PPP1R9A: variants seen among roughly 807,000 people sequenced by gnomAD.
The protein encoded by PPP1R9A is neurabin-1.
A neutral mutation model predicts 141.9 loss-of-function variants in PPP1R9A; 59 were observed. The observed-to-expected ratio is 0.42, with a 90% CI of 0.34 to 0.52. The LOEUF (loss-of-function observed/expected upper bound fraction) is 0.52, where lower values mean the gene tolerates loss of function less well. Among genes scored for constraint, PPP1R9A ranks in the 20% least tolerant of loss-of-function variants. PPP1R9A has a pLI of 0.10. For missense variants in PPP1R9A, 1,444 were observed against 1,611.9 expected, an observed-to-expected ratio of 0.90 and a Z score of 1.78; for synonymous variants, 500 against 569.7, an observed-to-expected ratio of 0.88 and a Z score of 1.74.
In PPP1R9A at chr7:94,910,296, C is replaced by T. The variant is rs1791308154; in HGVS notation, c.183C>T (p.Ser61=). 1 of 1,613,848 alleles carries T rather than the reference C, an allele frequency of 6.2e-7. No individual in the cohort carries two copies. The highest frequency in any genetic ancestry group is 1.7e-5 in the Admixed American group (1 of 59,984). Residue 61 remains serine (S), a synonymous_variant, in exon 2 of 20, where the codon TCC becomes TCT. Transcript: ENST00000433360. This position sits in a 1 kb window ranked among gnomAD's most constrained non-coding sequence, Gnocchi z 4.5. The part of the protein sequence containing the change: ...SQQSRGRKYG[S]NVNRIKNLFM... The stretch of plus-strand genomic sequence containing the variant: ...AGAGCAGGGGGAGGAAATATGGCTC[C>T]AATGTCAACAGAATTAAAAACCTAT...
At chr7:94,985,699 C>T (rs1433326284) in intron 2 of PPP1R9A, among the ~76,000 whole-genome samples, 1 of 151,856 alleles carries the variant, frequency 6.6e-6, no homozygotes, top group Non-Finnish European at 1.5e-5. Context: ...TTCCTCCGTC[C>T]CTTTATTTTG....
At chr7:95,074,468 T>G (rs573214370) in intron 2 of PPP1R9A, among the ~76,000 whole-genome samples, 23 of 112,354 alleles carry the variant, frequency 2.0e-4, no homozygotes, top group South Asian at 9.2e-4. Context: ...TTTTTTTGTT[T>G]TTTTTTTTTT....
chr7:95,135,854 CTTTTTTT>C (rs58872136), intron 4 of PPP1R9A, among the ~76,000 whole-genome samples: 86 of 73,066 alleles, frequency 1.2e-3, no homozygotes, highest in Middle Eastern at 0.017. Flanking sequence ...TTCAGCTTTA[CTTTTTTT>C]TTTTTTTTTT....
intron 2 of PPP1R9A, among the ~76,000 whole-genome samples, chr7:95,103,042 G>A (rs1818998277): frequency 6.6e-6 from 1 of 152,074 alleles, no homozygotes; most frequent in African/African-American, 2.4e-5. Flanking sequence ...GAAGAAGACT[G>A]ACTTCCATCA....
intron 2 of PPP1R9A, among the ~76,000 whole-genome samples, chr7:94,961,171 G>A (rs1230668955): frequency 1.3e-5 from 2 of 150,900 alleles, no homozygotes; most frequent in African/African-American, 4.9e-5. Flanking sequence ...TGCTTTATAA[G>A]AAAACAAGAC....
At chr7:95,081,029 C>T (rs1319341796) in intron 2 of PPP1R9A, among the ~76,000 whole-genome samples, 1 of 152,078 alleles carries the variant, frequency 6.6e-6, no homozygotes, top group African/African-American at 2.4e-5. Context: ...AGAAAAAGCT[C>T]AAAGACAAAG....
intron 2 of PPP1R9A, among the ~76,000 whole-genome samples, chr7:95,085,307 G>A (rs1008500393): frequency 1.1e-4 from 16 of 151,370 alleles, no homozygotes; most frequent in Middle Eastern, 3.4e-3. Flanking sequence ...CCACTGTGTC[G>A]CCCAGGCTAA....
chr7:95,157,942 A>G (rs2152695221), intron 4 of PPP1R9A, among the ~76,000 whole-genome samples: 1 of 152,356 alleles, frequency 6.6e-6, no homozygotes, highest in South Asian at 2.1e-4. Context: ...AAACTCCAAC[A>G]AATATTTTCA....
intron 4 of PPP1R9A, among the ~76,000 whole-genome samples, chr7:95,158,207 T>TG (rs965335250): frequency 2.0e-5 from 3 of 152,088 alleles, no homozygotes; most frequent in Non-Finnish European, 4.4e-5. Flanking sequence ...TACTTAACTC[T>TG]GGGGGGGAAA....
chr7:95,067,482 A>G (rs1307257114), intron 2 of PPP1R9A, among the ~76,000 whole-genome samples: 1 of 152,234 alleles, frequency 6.6e-6, no homozygotes, highest in Non-Finnish European at 1.5e-5. Flanking sequence ...TAGTGAATGT[A>G]CACCAAAAAG....
Position 95,056,828 on chromosome 7 carries a change from A to G in PPP1R9A, c.1396-54431A>G, listed in dbSNP as rs182204395. Among the ~76,000 whole-genome samples, 9 of 152,262 alleles carry G rather than the reference A, an allele frequency of 5.9e-5. No individual in the cohort carries two copies. In the East Asian group the frequency reaches 1.3e-3, roughly 23 times the overall value. On this transcript the variant is annotated intron_variant, in intron 2 of 19. Transcript: ENST00000433360. ...GAAGCTCCTAAGAAAAAATGATTCA[A>G]TCTTAAAAAGGCCAAAATCTAAATG...
At chr7:95,193,461 A>AT (rs1311503134) in intron 5 of PPP1R9A, among the ~76,000 whole-genome samples, 2 of 152,004 alleles carry the variant, frequency 1.3e-5, no homozygotes, top group African/African-American at 4.8e-5. Context: ...CGAAGCTGTG[A>AT]TTTTGAGCAA....
intron 13 of PPP1R9A, 58 bp downstream of exon 13, chr7:95,268,765 A>G: frequency 6.4e-7 from 1 of 1,559,408 alleles, no homozygotes; most frequent in Non-Finnish European, 8.7e-7. Context: ...TTGTTCCTAC[A>G]GCTTATTGAA....
intron 2 of PPP1R9A, among the ~76,000 whole-genome samples, chr7:94,971,485 A>C (rs951181486): frequency 3.9e-5 from 6 of 152,234 alleles, no homozygotes; most frequent in Non-Finnish European, 8.8e-5. Flanking sequence ...CAAACTGATT[A>C]AGTGTAAAAT....
chr7:95,132,374 TC>T (rs1296616436), intron 4 of PPP1R9A, among the ~76,000 whole-genome samples: 37 of 152,362 alleles, frequency 2.4e-4, no homozygotes, highest in African/African-American at 7.2e-4. Flanking sequence ...GTGCCTAGTT[TC>T]TTGAGGTTTT....
At chr7:95,181,122 G>A (rs1021812791) in intron 5 of PPP1R9A, among the ~76,000 whole-genome samples, 1 of 149,252 alleles carries the variant, frequency 6.7e-6, no homozygotes, top group African/African-American at 2.5e-5. Context: ...TGGAGCCAAC[G>A]CAAATGCCCA....
At chr7:95,198,215 C>A in intron 5 of PPP1R9A, 134 bp from the exon 6 acceptor site, 1 of 738,186 alleles carries the variant, frequency 1.4e-6, no homozygotes, top group South Asian at 4.6e-5. Flanking sequence ...CCAAGAAAAC[C>A]ATTTTGAAGT....
chr7:95,146,877 T>C (rs1262569886), intron 4 of PPP1R9A, among the ~76,000 whole-genome samples: 4 of 152,156 alleles, frequency 2.6e-5, no homozygotes, highest in Admixed American at 2.0e-4. Flanking sequence ...GGTACCAGTA[T>C]CTTGCTGTTT....
chr7:95,020,034 ATATCAT>A (rs1805688711), intron 2 of PPP1R9A, among the ~76,000 whole-genome samples: 1 of 129,524 alleles, frequency 7.7e-6, no homozygotes, highest in African/African-American at 2.8e-5. Flanking sequence ...ACAAATGGCT[ATATCAT>A]TATCATCATC....
Sources: gnomAD v4.1 joint callset for allele counts (sites outside exome capture counted in the v4.1 genomes callset) on GRCh38, gnomAD v4.1.1 for gene constraint, Gnocchi (gnomAD v3.1) non-coding constraint, MANE v1.5 for transcripts, NCBI Gene and HGNC (gene_info 2026-07-23, HGNC 2026-07-21) for gene names.